The following NOS1AP variants were observed in gnomAD, a reference collection of about 807,000 sequenced individuals.
NOS1AP encodes nitric oxide synthase 1 adaptor protein, also known as carboxyl-terminal PDZ ligand of neuronal nitric oxide synthase protein.
NOS1AP carries 21 observed loss-of-function variants against 56.2 expected under a neutral mutation model. That is an observed-to-expected ratio of 0.37 (90% CI 0.26 to 0.54). The LOEUF (loss-of-function observed/expected upper bound fraction) is 0.54, where lower values mean the gene tolerates loss of function less well. Ranked by LOEUF, NOS1AP falls within the 20% of genes least tolerant of loss-of-function variation. The pLI, the probability that NOS1AP is intolerant of heterozygous loss-of-function variation, is 0.84. For synonymous variants in NOS1AP, 270 were observed against 274.6 expected, an observed-to-expected ratio of 0.98 and a Z score of 0.17; for missense variants, 522 against 657.8, an observed-to-expected ratio of 0.79 and a Z score of 2.26.
At chr1:162,231,358 T>C (rs564501707) in intron 2 of NOS1AP, among the ~76,000 whole-genome samples, 1 of 152,342 alleles carries the variant, frequency 6.6e-6, no homozygotes, top group Non-Finnish European at 1.5e-5. Flanking sequence ...TGTTGAGCTG[T>C]ACTTCTTATA....
chr1:162,337,517 T>A (rs1656978741), intron 5 of NOS1AP, among the ~76,000 whole-genome samples: 1 of 152,194 alleles, frequency 6.6e-6, no homozygotes, highest in African/African-American at 2.4e-5. Context: ...GAAGTCAAAA[T>A]GCAGGAATCA....
chr1:162,121,201 C>T (rs992430157), intron 1 of NOS1AP, among the ~76,000 whole-genome samples: 4 of 146,068 alleles, frequency 2.7e-5, no homozygotes, highest in Non-Finnish European at 4.5e-5. Flanking sequence ...GACAAAATCT[C>T]GCTCTGTCGC....
At chr1:162,353,566 T>C (rs993789302) in intron 6 of NOS1AP, among the ~76,000 whole-genome samples, 3 of 152,198 alleles carry the variant, frequency 2.0e-5, no homozygotes, top group Admixed American at 6.5e-5. Flanking sequence ...TGTCAGTATT[T>C]ATGGAACACT....
intron 4 of NOS1AP, among the ~76,000 whole-genome samples, chr1:162,324,247 C>T (rs571779105): frequency 6.6e-6 from 1 of 152,198 alleles, no homozygotes; most frequent in East Asian, 1.9e-4. Context: ...ACTCAGATAA[C>T]ACAGACACAC....
intron 2 of NOS1AP, among the ~76,000 whole-genome samples, chr1:162,186,394 G>GA (rs918941765): frequency 7.5e-5 from 11 of 146,618 alleles, no homozygotes; most frequent in East Asian, 2.0e-4. Context: ...AAAAGATGAA[G>GA]AAAAAAAACA....
At chr1:162,251,950 C>G (rs12084492) in intron 2 of NOS1AP, among the ~76,000 whole-genome samples, 83,193 of 143,572 alleles carry the variant, frequency 0.58, 24,700 homozygotes, top group East Asian at 0.8. Context: ...TCTCCTTGGT[C>G]TCCCAAAATG....
chr1:162,164,848 G>A (rs6427656), intron 2 of NOS1AP, among the ~76,000 whole-genome samples: 67,869 of 152,018 alleles, frequency 0.45, 18,575 homozygotes, highest in Non-Finnish European at 0.61. Flanking sequence ...ACTGATGATC[G>A]GATCTGCTGG....
intron 2 of NOS1AP, among the ~76,000 whole-genome samples, chr1:162,221,542 A>ACG (rs1557838076): frequency 2.2e-4 from 33 of 147,798 alleles, no homozygotes. Context: ...GCGCACACAC[A>ACG]CACACACACA....
In NOS1AP at chr1:162,369,480, C is replaced by A. The variant is rs945035242; in HGVS notation, c.*2013C>A. 2.0e-5 allele frequency: 3 copies of A among 152,176 alleles called. No homozygotes were observed. The highest frequency in any genetic ancestry group is 4.8e-5 in the African/African-American group (2 of 41,378). The allele number at this position is 152,176 out of a possible 1,614,324, so 9.4% of individuals were successfully genotyped here. Reference sequence around the variant, plus strand: ...GAAAAGTCTGTTTTCTGACGTAAGCCGGAGCTGAGGATAAAGCCAGAGGCC... The same window carrying A: ...GAAAAGTCTGTTTTCTGACGTAAGCAGGAGCTGAGGATAAAGCCAGAGGCC... On this transcript the variant is annotated 3_prime_UTR_variant, in exon 10 of 10. Transcript: ENST00000361897.
At chr1:162,362,163 A>C (rs1657924729) in intron 8 of NOS1AP, among the ~76,000 whole-genome samples, 1 of 152,022 alleles carries the variant, frequency 6.6e-6, no homozygotes, top group African/African-American at 2.4e-5. Context: ...CAGGAAACTG[A>C]CTCTGGGCTG....
chr1:162,367,658 C>G lies in NOS1AP; in HGVS notation c.*191C>G. On this transcript the variant is annotated 3_prime_UTR_variant, in exon 10 of 10. Transcript: ENST00000361897. The surrounding 1 kb of genome is among the most constrained non-coding windows in gnomAD (Gnocchi z 6.5). ...GTAAAGTGGGGAAGAAATCGGATTC[C>G]CAGAGGTGAATCAGCTCCTCTCCTA... is the stretch of plus-strand genomic sequence containing the variant. 1.5e-6 allele frequency: 1 copy of G among 662,998 alleles called. No homozygotes were observed. The highest frequency in any genetic ancestry group is 2.5e-6 in the Non-Finnish European group (1 of 397,454). 41.1% of individuals were successfully genotyped at this position (662,998 alleles called of 1,614,324 possible). A position where few individuals can be genotyped will look rare whatever the true frequency, so the allele number is the denominator to read the frequency against.
At chr1:162,207,260 C>T (rs190889085) in intron 2 of NOS1AP, among the ~76,000 whole-genome samples, 2 of 152,322 alleles carry the variant, frequency 1.3e-5, no homozygotes, top group Admixed American at 1.3e-4. Context: ...AAGTTCTAGA[C>T]GTAGTGCCAG....
chr1:162,121,362 G>A (rs963309608), intron 1 of NOS1AP, among the ~76,000 whole-genome samples: 7 of 151,804 alleles, frequency 4.6e-5, no homozygotes, highest in Non-Finnish European at 8.8e-5. Flanking sequence ...CAAGTGATCC[G>A]CCCATCTCAG....
chr1:162,288,869 T>C (rs12030040), intron 3 of NOS1AP, among the ~76,000 whole-genome samples: 44,161 of 152,068 alleles, frequency 0.29, 6,828 homozygotes, highest in East Asian at 0.59. Context: ...TGTTCTTCCT[T>C]TGGGGACATC....
chr1:162,213,097 G>A lies in NOS1AP; in HGVS notation c.177+58621G>A, dbSNP rs181991164. ...CTAGGGGATCAGGTCAGGGCTGGCC[G>A]CCCACCTCCCCACCCTCAAGGAATC... On this transcript the variant is annotated intron_variant, in intron 2 of 9. Transcript: ENST00000361897. Among the ~76,000 whole-genome samples, 225 of 152,174 alleles carry A rather than the reference G, an allele frequency of 1.5e-3. 1 individual carries two copies. Among genetic ancestry groups the A allele is most frequent in the Non-Finnish European group, 2.3e-3 (156 of 67,998 alleles).
At chr1:162,290,096 T>G (rs1229510917) in intron 3 of NOS1AP, among the ~76,000 whole-genome samples, 1 of 151,890 alleles carries the variant, frequency 6.6e-6, no homozygotes, top group Non-Finnish European at 1.5e-5. Flanking sequence ...CCTGAGGGAG[T>G]GCATGGGACC....
At chr1:162,174,791 C>A (rs969729581) in intron 2 of NOS1AP, among the ~76,000 whole-genome samples, 1 of 152,170 alleles carries the variant, frequency 6.6e-6, no homozygotes, top group African/African-American at 2.4e-5. Context: ...CCTTAGTGTT[C>A]ATTTTCTGTT....
intron 2 of NOS1AP, among the ~76,000 whole-genome samples, chr1:162,215,739 G>A (rs917775525): frequency 3.3e-5 from 5 of 152,152 alleles, no homozygotes; most frequent in Admixed American, 1.3e-4. Flanking sequence ...CTGAGACCTC[G>A]GGCAGATGCA....
In NOS1AP at chr1:162,256,104, A is replaced by G. The variant is rs571838187; in HGVS notation, c.178-31240A>G. On this transcript the variant is annotated intron_variant, in intron 2 of 9. Coordinates refer to ENST00000361897, the MANE Select transcript of NOS1AP (RefSeq NM_014697.3). The stretch of plus-strand genomic sequence containing the variant: ...GGTTGCATTGAGCCAAGATCGCGCC[A>G]CTGCATTCCAGCCTGGGCAACAGAG... Among the ~76,000 whole-genome samples, 9 of 152,216 alleles carry G rather than the reference A, an allele frequency of 5.9e-5. 1 individual carries two copies. The highest frequency in any genetic ancestry group is 2.2e-4 in the African/African-American group (9 of 41,528).
Sources: gnomAD v4.1 joint callset for allele counts (sites outside exome capture counted in the v4.1 genomes callset) on GRCh38, gnomAD v4.1.1 for gene constraint, Gnocchi (gnomAD v3.1) non-coding constraint, MANE v1.5 for transcripts, NCBI Gene and HGNC (gene_info 2026-07-23, HGNC 2026-07-21) for gene names.